Variants in RBFOX1 observed in about 807,000 individuals in gnomAD.
The protein encoded by RBFOX1 is RNA binding fox-1 homolog 1, also known as RNA binding protein fox-1 homolog 1.
Under a neutral mutation model 57.7 loss-of-function variants are expected in RBFOX1, and 8 were observed. The observed-to-expected ratio is 0.14, with a 90% confidence interval of 0.08 to 0.25. RBFOX1 has a LOEUF of 0.25. Ranked by LOEUF, RBFOX1 falls within the 10% of genes least tolerant of loss-of-function variation. The probability of loss-of-function intolerance (pLI) is 1.00; values close to 1 mark genes in which losing one functional copy is unlikely to be tolerated. For missense variants in RBFOX1, 611 were observed against 548.5 expected, an observed-to-expected ratio of 1.11 and a Z score of -1.14; for synonymous variants, 326 against 222.4, an observed-to-expected ratio of 1.47 and a Z score of -4.15.
At chr16:6,383,180 C>T (rs993757893) in intron 2 of RBFOX1, among the ~76,000 whole-genome samples, 7 of 152,224 alleles carry the variant, frequency 4.6e-5, no homozygotes, top group Admixed American at 1.3e-4. Context: ...CCAAGAAGAT[C>T]TGGCTTTCTT....
intron 4 of RBFOX1, among the ~76,000 whole-genome samples, chr16:7,374,834 C>T (rs1175112561): frequency 1.3e-5 from 2 of 152,138 alleles, no homozygotes; most frequent in African/African-American, 4.8e-5. Flanking sequence ...CAAACAACTG[C>T]GTATTTTGAA....
chr16:5,915,546 G>T (rs1329178059), intron 4 of RBFOX1, among the ~76,000 whole-genome samples: 3 of 152,084 alleles, frequency 2.0e-5, no homozygotes, highest in African/African-American at 7.2e-5. Context: ...GTTTATAGAA[G>T]ACAGGCTGGG....
At chr16:7,705,930 C>T (rs141592235) in intron 14 of RBFOX1, among the ~76,000 whole-genome samples, 1 of 152,320 alleles carries the variant, frequency 6.6e-6, no homozygotes, top group East Asian at 1.9e-4. Flanking sequence ...CTACTGCCCA[C>T]TTTGGCCAGG....
At chr16:5,933,662 C>G (rs78233085) in intron 4 of RBFOX1, among the ~76,000 whole-genome samples, 4,325 of 152,182 alleles carry the variant, frequency 0.028, 293 homozygotes, top group East Asian at 0.2. Flanking sequence ...TTTGATTGTT[C>G]TCTTTCTGGG....
chr16:6,596,591 C>G (rs183264796), intron 2 of RBFOX1, among the ~76,000 whole-genome samples: 2 of 143,124 alleles, frequency 1.4e-5, no homozygotes, highest in African/African-American at 6.1e-5. Flanking sequence ...TTAATGAGAA[C>G]AGAACTTCAG....
intron 4 of RBFOX1, among the ~76,000 whole-genome samples, chr16:7,295,936 G>T (rs1473261539): frequency 6.6e-6 from 1 of 152,180 alleles, no homozygotes; most frequent in Admixed American, 6.5e-5. Flanking sequence ...TGTTTGGTTT[G>T]GTTTGCTGCA....
chr16:6,832,545 A>G (rs2141098523), intron 3 of RBFOX1, among the ~76,000 whole-genome samples: 1 of 152,260 alleles, frequency 6.6e-6, no homozygotes, highest in Admixed American at 6.5e-5. Context: ...CTTAGTATGA[A>G]TGTCTTGGGG....
intron 4 of RBFOX1, among the ~76,000 whole-genome samples, chr16:7,409,653 A>G (rs961848386): frequency 7.9e-5 from 12 of 152,228 alleles, no homozygotes; most frequent in Non-Finnish European, 1.6e-4. Flanking sequence ...ATGTAATCCA[A>G]TCACTATAGG....
intron 3 of RBFOX1, among the ~76,000 whole-genome samples, chr16:5,656,591 C>T (rs1011397621): frequency 2.0e-5 from 3 of 152,164 alleles, no homozygotes; most frequent in Non-Finnish European, 2.9e-5. Flanking sequence ...TTCCTGATTG[C>T]TTATTTATAA....
chr16:5,669,835 C>A (rs532065385), intron 3 of RBFOX1, among the ~76,000 whole-genome samples: 1 of 152,266 alleles, frequency 6.6e-6, no homozygotes, highest in East Asian at 1.9e-4. Context: ...TAGGGCCCAG[C>A]AATTCTTTTG....
At chr16:7,405,841 T>G (rs2148933523) in intron 4 of RBFOX1, among the ~76,000 whole-genome samples, 1 of 152,282 alleles carries the variant, frequency 6.6e-6, no homozygotes, top group East Asian at 1.9e-4. Context: ...CCTGGAGCAT[T>G]GAGATCACAG....
chr16:6,865,128 A>T (rs1214954649), intron 3 of RBFOX1, among the ~76,000 whole-genome samples: 2 of 149,416 alleles, frequency 1.3e-5, no homozygotes, highest in Non-Finnish European at 3.0e-5. Context: ...TTAGCCTCCC[A>T]AGTAGCTGGG....
At chr16:5,815,341 C>G (rs1195602135) in intron 3 of RBFOX1, among the ~76,000 whole-genome samples, 1 of 151,948 alleles carries the variant, frequency 6.6e-6, no homozygotes, top group Non-Finnish European at 1.5e-5. Flanking sequence ...CCTTTAAATT[C>G]CCTTCTATCC....
At chr16:6,083,792 C>A (rs28394264) in intron 1 of RBFOX1, among the ~76,000 whole-genome samples, 12,005 of 152,040 alleles carry the variant, frequency 0.079, 846 homozygotes, top group African/African-American at 0.18. Context: ...TCTTTGGTCT[C>A]AATCCCTCAA....
intron 3 of RBFOX1, among the ~76,000 whole-genome samples, chr16:6,926,128 A>G (rs2075540371): frequency 6.6e-6 from 1 of 152,004 alleles, no homozygotes; most frequent in African/African-American, 2.4e-5. Flanking sequence ...CAACATGATG[A>G]AACCCTGTCT....
intron 2 of RBFOX1, among the ~76,000 whole-genome samples, chr16:5,478,540 G>A (rs2069411050): frequency 6.6e-6 from 1 of 152,118 alleles, no homozygotes. Context: ...ACACATACAA[G>A]GTAATTCTCA....
rs116514855 is a variant in RBFOX1 at position 6,717,847 on chromosome 16, G to A, written c.-16+63197G>A. Among the ~76,000 whole-genome samples the A allele has an allele frequency of 6.6e-3, 1,002 of 152,240 alleles. 14 individuals carry two copies. The highest frequency in any genetic ancestry group is 0.022 in the African/African-American group (896 of 41,526). On this transcript the variant is annotated intron_variant, in intron 3 of 15. Transcript: ENST00000550418. The stretch of plus-strand genomic sequence containing the variant: ...TTGTTATTTACCCAGATGGTGTTTC[G>A]TGGGATACCCCCTGCCTAGAGCAGA...
intron 2 of RBFOX1, among the ~76,000 whole-genome samples, chr16:6,518,332 G>A (rs2096421780): frequency 6.6e-6 from 1 of 152,120 alleles, no homozygotes; most frequent in South Asian, 2.1e-4. Flanking sequence ...GTGATCCAGG[G>A]AAAGGACAAA....
chr16:6,878,932 C>T (rs1485950774), intron 3 of RBFOX1, among the ~76,000 whole-genome samples: 1 of 151,876 alleles, frequency 6.6e-6, no homozygotes. Context: ...GATTTTTTTT[C>T]CCCTATGTTA....
Sources: gnomAD v4.1 joint callset for allele counts (sites outside exome capture counted in the v4.1 genomes callset) on GRCh38, gnomAD v4.1.1 for gene constraint, MANE v1.5 for transcripts, NCBI Gene and HGNC (gene_info 2026-07-23, HGNC 2026-07-21) for gene names.